The following FAXC variants were observed in gnomAD, a reference collection of about 807,000 sequenced individuals.
FAXC encodes failed axon connections homolog.
In FAXC, 10 loss-of-function variants were observed where a neutral mutation model predicts 41.9. That is an observed-to-expected ratio of 0.24 (90% confidence interval 0.15 to 0.41). The LOEUF (loss-of-function observed/expected upper bound fraction) is 0.41, where lower values mean the gene tolerates loss of function less well. FAXC is among the 10% of genes least tolerant of loss of function. The pLI is 1.00. For synonymous variants in FAXC, 183 were observed against 183.8 expected (o/e 1.00, Z 0.03); for missense variants, 399 against 510.9 (o/e 0.78, Z 2.11).
At chr6:99,283,744 A>G (rs1374691546) in intron 5 of FAXC, among the ~76,000 whole-genome samples, 1 of 152,078 alleles carries the variant, frequency 6.6e-6, no homozygotes, top group Non-Finnish European at 1.5e-5. Flanking sequence ...TGAGGGCAGC[A>G]GCAAGAGAAA....
At chr6:99,347,735 G>A (rs1773652652) in intron 1 of FAXC, among the ~76,000 whole-genome samples, 1 of 152,200 alleles carries the variant, frequency 6.6e-6, no homozygotes, top group Non-Finnish European at 1.5e-5. Context: ...AGAAACAACT[G>A]GGTTACCATT....
intron 4 of FAXC, among the ~76,000 whole-genome samples, chr6:99,311,102 A>C (rs1772137024): frequency 6.6e-6 from 1 of 152,268 alleles, no homozygotes; most frequent in Non-Finnish European, 1.5e-5. Context: ...ATGGATGTAG[A>C]GTAGTGCTGT....
chr6:99,346,536 G>A (rs1485480143), intron 1 of FAXC, among the ~76,000 whole-genome samples: 2 of 151,392 alleles, frequency 1.3e-5, no homozygotes, highest in African/African-American at 4.9e-5. Flanking sequence ...CTACAGGCGC[G>A]TGCCACCACG....
chr6:99,329,659 A>T (rs1772959152), intron 3 of FAXC, among the ~76,000 whole-genome samples: 1 of 152,056 alleles, frequency 6.6e-6, no homozygotes, highest in Non-Finnish European at 1.5e-5. Context: ...TGGGGTGGGG[A>T]GAAAAGAAAG....
chr6:99,285,630 T>G (rs1460572478), intron 5 of FAXC, among the ~76,000 whole-genome samples: 1 of 152,212 alleles, frequency 6.6e-6, no homozygotes, highest in Non-Finnish European at 1.5e-5. Context: ...GTAATTCAAC[T>G]TACTGTAACC....
In FAXC at chr6:99,325,156, G is replaced by T. The variant is rs912461897; in HGVS notation, c.600-1489C>A. Among the ~76,000 whole-genome samples the T allele has an allele frequency of 4.0e-5, 6 of 151,822 alleles. No homozygotes were observed. The East Asian group carries it at 1.2e-3, about 29-fold the overall frequency. ...AAAATATTTTGAGAGAGAACTCAAG[G>T]AATGACAGTAAATCACAGCTACAAT... is the stretch of plus-strand genomic sequence containing the variant. On this transcript the variant is annotated intron_variant, in intron 3 of 5. Transcript: ENST00000389677.
Position 99,318,263 on chromosome 6 carries a change from ACACACACACACACACACACACAC to A in FAXC, c.823+5158_823+5180del, listed in dbSNP as rs1772446047. ...GACAGAGCAAGACTCCGTCTCAAAC[ACACACACACACACACACACACAC>A]ACACACACACACACACACACAAAAT... is the stretch of plus-strand genomic sequence containing the variant. On this transcript the variant is annotated intron_variant, in intron 4 of 5. Transcript: ENST00000389677. Among the ~76,000 whole-genome samples, 61 of 124,568 alleles carry A rather than the reference ACACACACACACACACACACACAC, an allele frequency of 4.9e-4. 1 individual carries two copies. The highest frequency in any genetic ancestry group is 9.5e-4 in the Non-Finnish European group (52 of 54,472). The allele number at this position is 124,568 out of a possible 152,430, so 81.7% of individuals were successfully genotyped here. A position where few individuals can be genotyped will look rare whatever the true frequency, so the allele number is the denominator to read the frequency against.
chr6:99,340,885 T>C (rs1312911615), intron 2 of FAXC, among the ~76,000 whole-genome samples: 2 of 152,058 alleles, frequency 1.3e-5, no homozygotes, highest in Non-Finnish European at 2.9e-5. Flanking sequence ...GTCAGGCTGG[T>C]CTTGAACTCC....
At position 99,273,434 on chromosome 6, in the gene FAXC, T is replaced by G. The variant is rs1770485284; in HGVS notation, c.*7730A>C. 6.6e-6 allele frequency: 1 copy of G among 151,574 alleles called. No homozygotes were observed. The allele number at this position is 151,574 out of a possible 1,614,324, so 9.4% of individuals were successfully genotyped here. A position where few individuals can be genotyped will look rare whatever the true frequency, so the allele number is the denominator to read the frequency against. ...GCTGAAATTCACAGACAATACATCC[T>G]GCATTTGCATTATCTGGGTATCACC... On this transcript the variant is annotated 3_prime_UTR_variant, in exon 6 of 6. Transcript: ENST00000389677.
intron 3 of FAXC, among the ~76,000 whole-genome samples, chr6:99,329,287 G>A (rs140051296): frequency 6.6e-6 from 1 of 152,084 alleles, no homozygotes; most frequent in African/African-American, 2.4e-5. Context: ...TAGAACAGAG[G>A]AACAAAACCT....
intron 4 of FAXC, among the ~76,000 whole-genome samples, chr6:99,300,083 G>A (rs140713539): frequency 2.6e-5 from 4 of 151,642 alleles, no homozygotes; most frequent in African/African-American, 9.7e-5. Context: ...GAACTATCTC[G>A]ACACCTTCCT....
intron 4 of FAXC, among the ~76,000 whole-genome samples, chr6:99,314,086 C>T (rs1379732607): frequency 6.6e-6 from 1 of 152,128 alleles, no homozygotes; most frequent in Non-Finnish European, 1.5e-5. Flanking sequence ...CTGCAGCCTT[C>T]AACTCCTGGC....
chr6:99,288,515 C>T (rs527310946), intron 5 of FAXC, among the ~76,000 whole-genome samples: 78 of 152,114 alleles, frequency 5.1e-4, no homozygotes, highest in African/African-American at 1.8e-3. Context: ...ATCTTTTAGA[C>T]GACTATGGAA....
At chr6:99,287,934 C>T (rs1358346874) in intron 5 of FAXC, among the ~76,000 whole-genome samples, 3 of 152,150 alleles carry the variant, frequency 2.0e-5, no homozygotes, top group African/African-American at 4.8e-5. Flanking sequence ...TCATGCTACA[C>T]CAGCACCCAG....
intron 5 of FAXC, among the ~76,000 whole-genome samples, chr6:99,290,270 A>AG (rs1301034358): frequency 1.3e-5 from 2 of 152,022 alleles, no homozygotes; most frequent in African/African-American, 4.8e-5. Context: ...TTCATCCCCT[A>AG]GCACTGGTTC....
Position 99,331,113 on chromosome 6 carries a change from A to G in FAXC, c.599+2238T>C, listed in dbSNP as rs551902345. On this transcript the variant is annotated intron_variant, in intron 3 of 5. Coordinates refer to ENST00000389677, the MANE Select transcript of FAXC (RefSeq NM_032511.4). ...TGGGAATTAGCAGTGTTGCTTTGAA[A>G]GTTTATTAGATATGTGCATCTCAAT... is the stretch of plus-strand genomic sequence containing the variant. Among the ~76,000 whole-genome samples the G allele has an allele frequency of 3.9e-5, 6 of 152,334 alleles. No homozygotes were observed. In the East Asian group the frequency reaches 1.2e-3, roughly 29 times the overall value.
chr6:99,330,020 GCCA>G (rs139640500), intron 3 of FAXC, among the ~76,000 whole-genome samples: 77 of 151,298 alleles, frequency 5.1e-4, no homozygotes, highest in African/African-American at 1.8e-3. Context: ...CGCCTCAGTC[GCCA>G]CCACACCTGA....
Position 99,295,724 on chromosome 6 carries a change from T to C in FAXC, c.824-3904A>G, listed in dbSNP as rs147574781. Among the ~76,000 whole-genome samples the C allele has an allele frequency of 1.8e-3, 278 of 152,344 alleles. 2 individuals are homozygous for C. The highest frequency in any genetic ancestry group is 0.01 in the Middle Eastern group (3 of 294). On this transcript the variant is annotated intron_variant, in intron 4 of 5. Coordinates refer to ENST00000389677, the MANE Select transcript of FAXC (RefSeq NM_032511.4). Reference sequence around the variant, plus strand: ...TCGCAGGGCATCATATCAGGGAGCATATAATGTCCTATATCTTATGACTGT... The same window carrying C: ...TCGCAGGGCATCATATCAGGGAGCACATAATGTCCTATATCTTATGACTGT...
At chr6:99,282,500 C>G (rs549383755) in intron 5 of FAXC, among the ~76,000 whole-genome samples, 1 of 152,124 alleles carries the variant, frequency 6.6e-6, no homozygotes, top group Non-Finnish European at 1.5e-5. Context: ...GGGTCCCACT[C>G]GGTCACTAGA....
Sources: gnomAD v4.1 joint callset for allele counts (sites outside exome capture counted in the v4.1 genomes callset) on GRCh38, gnomAD v4.1.1 for gene constraint, MANE v1.5 for transcripts, NCBI Gene and HGNC (gene_info 2026-07-23, HGNC 2026-07-21) for gene names.